The following C12orf42 variants were observed in gnomAD, a reference collection of about 807,000 sequenced individuals.
The protein encoded by C12orf42 is uncharacterized protein C12orf42.
A neutral mutation model predicts 21.6 loss-of-function variants in C12orf42; 25 were observed. The observed-to-expected ratio is 1.16, with a 90% CI of 0.84 to 1.62. C12orf42 has a LOEUF of 1.62. Ranked by LOEUF, C12orf42 falls within the 40% of genes most tolerant of loss-of-function variation. C12orf42 has a pLI of 0.00. For synonymous variants in C12orf42, 174 were observed against 175.0 expected, an observed-to-expected ratio of 0.99 and a Z score of 0.05; for missense variants, 483 against 459.3, an observed-to-expected ratio of 1.05 and a Z score of -0.47.
intron 2 of C12orf42, among the ~76,000 whole-genome samples, chr12:103,409,062 T>C (rs980469623): frequency 1.3e-5 from 2 of 152,178 alleles, no homozygotes; most frequent in Admixed American, 1.3e-4. Context: ...TGGTTACCAT[T>C]TCAGAAGACT....
At chr12:103,162,032 C>A in the C12orf42 span, among the ~76,000 whole-genome samples, 94 of 152,290 alleles carry the variant, frequency 6.2e-4, no homozygotes, top group African/African-American at 2.2e-3. Context: ...CCCAGCCCCC[C>A]TTCCCTTTTC....
At chr12:103,275,907 C>T (rs985099072) in intron 5 of C12orf42, among the ~76,000 whole-genome samples, 7 of 151,948 alleles carry the variant, frequency 4.6e-5, no homozygotes, top group Admixed American at 1.3e-4. Context: ...ATTGTCTCTA[C>T]TAACAATAAA....
chr12:103,290,893 G>A (rs187880116), intron 4 of C12orf42, among the ~76,000 whole-genome samples: 1 of 152,006 alleles, frequency 6.6e-6, no homozygotes, highest in African/African-American at 2.4e-5. Context: ...GGGTGGGAGG[G>A]GGGTGAGGGA....
At chr12:103,054,905 G>A in the C12orf42 span, among the ~76,000 whole-genome samples, 2 of 151,794 alleles carry the variant, frequency 1.3e-5, no homozygotes, top group African/African-American at 4.8e-5. Flanking sequence ...AACCAGCCTT[G>A]CATCTCTAGA....
intron 2 of C12orf42, among the ~76,000 whole-genome samples, chr12:103,439,170 T>C (rs909124618): frequency 1.3e-5 from 2 of 151,506 alleles, no homozygotes; most frequent in Non-Finnish European, 3.0e-5. Context: ...GGATTCCCTA[T>C]TTAATAAATG....
chr12:103,229,390 C>T, the C12orf42 span, among the ~76,000 whole-genome samples: 53 of 152,128 alleles, frequency 3.5e-4, no homozygotes, highest in South Asian at 1.2e-3. Flanking sequence ...ATTCTCTCAG[C>T]GATTCAAAAA....
At chr12:103,444,989 ATAAG>A (rs201504137) in intron 2 of C12orf42, among the ~76,000 whole-genome samples, 2,323 of 152,202 alleles carry the variant, frequency 0.015, 22 homozygotes, top group Non-Finnish European at 0.022. Flanking sequence ...GTAGATATCC[ATAAG>A]TAATAAACCA....
intron 2 of C12orf42, among the ~76,000 whole-genome samples, chr12:103,407,419 C>G (rs1004834918): frequency 2.6e-5 from 4 of 152,098 alleles, no homozygotes; most frequent in African/African-American, 9.7e-5. Flanking sequence ...AGGCGAACCC[C>G]TCCTCTTCTT....
rs570128611 is a variant in C12orf42, at chr12:103,365,885, A to G, written c.259+3002T>C. Among the ~76,000 whole-genome samples, 3 of 152,262 alleles carry G rather than the reference A, an allele frequency of 2.0e-5. No individual in the cohort carries two copies. The South Asian group carries it at 6.2e-4, about 32-fold the overall frequency. Reference sequence around the variant, plus strand: ...ACAGATGGGCAGAATCAATGCTGTGAAAATGACCATACCGCCAAAAGCAAT... The same window carrying G: ...ACAGATGGGCAGAATCAATGCTGTGGAAATGACCATACCGCCAAAAGCAAT... On this transcript the variant is annotated intron_variant, in intron 4 of 5. Coordinates refer to ENST00000548883, the MANE Select transcript of C12orf42 (RefSeq NM_198521.5).
In C12orf42 at chr12:103,281,913, G is replaced by GA. The variant is rs1555243151; in HGVS notation, n.338-4704dup. Among the ~76,000 whole-genome samples the GA allele has an allele frequency of 9.0e-5, 8 of 89,336 alleles. No individual in the cohort carries two copies. In the South Asian group the frequency reaches 1.9e-3, roughly 22 times the overall value. The allele number at this position is 89,336 out of a possible 152,430, so 58.6% of individuals were successfully genotyped here. On this transcript the variant is annotated intron_variant and non_coding_transcript_variant, in intron 4 of 6. Coordinates refer to the C12orf42 transcript ENST00000546526. ...AAAAAGAAAGAAAGAAAAGAAGAAA[G>GA]AAAAAGAAAGAAAGAAAGAAAGAAA...
At chr12:103,199,521 G>GC in the C12orf42 span, among the ~76,000 whole-genome samples, 5 of 152,088 alleles carry the variant, frequency 3.3e-5, no homozygotes, top group African/African-American at 9.7e-5. Context: ...AAATGAGAAG[G>GC]CGACTGACAG....
At chr12:103,538,071 T>C in the C12orf42 span, among the ~76,000 whole-genome samples, 2 of 152,206 alleles carry the variant, frequency 1.3e-5, no homozygotes, top group Non-Finnish European at 2.9e-5. Flanking sequence ...TAGAAGTATT[T>C]AGTAGATTAA....
At chr12:103,214,737 G>C in the C12orf42 span, among the ~76,000 whole-genome samples, 6 of 152,174 alleles carry the variant, frequency 3.9e-5, no homozygotes, top group Non-Finnish European at 7.4e-5. Context: ...AATCCCAAGA[G>C]ATTTTCTCCA....
the C12orf42 span, among the ~76,000 whole-genome samples, chr12:103,119,349 T>C: frequency 6.6e-6 from 1 of 152,240 alleles, no homozygotes. Context: ...TAGTGTGCAA[T>C]AACCACTCAA....
chr12:103,512,751 C>T, the C12orf42 span, among the ~76,000 whole-genome samples: 1 of 152,186 alleles, frequency 6.6e-6, no homozygotes, highest in Non-Finnish European at 1.5e-5. Flanking sequence ...TGCCTGTAAT[C>T]CCAGCACTTT....
rs1359189161 is a variant in C12orf42 at position 103,254,966 on chromosome 12, CA to C, written c.*1366+8359del. On this transcript the variant is annotated intron_variant and NMD_transcript_variant, in intron 10 of 10. Transcript: ENST00000547347. Reference sequence around the variant, plus strand: ...AATTATAAATGTTTCATGCATCCTTCAAAAAATATGTATTCTGTAAGTGTTT... The same window carrying C: ...AATTATAAATGTTTCATGCATCCTTCAAAAATATGTATTCTGTAAGTGTTT... 4.6e-5 allele frequency among the ~76,000 whole-genome samples: 7 copies of C among 152,196 alleles called. No homozygotes were observed. In the East Asian group the frequency reaches 1.4e-3, roughly 29 times the overall value.
chr12:103,170,238 C>T, the C12orf42 span, among the ~76,000 whole-genome samples: 1 of 152,110 alleles, frequency 6.6e-6, no homozygotes, highest in African/African-American at 2.4e-5. Context: ...TACCCTTATG[C>T]CATGACATTA....
chr12:103,052,589 T>C, the C12orf42 span, among the ~76,000 whole-genome samples: 2 of 152,080 alleles, frequency 1.3e-5, no homozygotes, highest in Non-Finnish European at 2.9e-5. Flanking sequence ...ATCAAATATT[T>C]ATATTGCAAA....
the C12orf42 span, among the ~76,000 whole-genome samples, chr12:103,120,701 T>A: frequency 6.7e-6 from 1 of 150,186 alleles, no homozygotes; most frequent in Non-Finnish European, 1.5e-5. Context: ...ACTATGATTA[T>A]TATTACTATA....
Sources: allele counts gnomAD v4.1 joint callset (sites outside exome capture counted in the v4.1 genomes callset), GRCh38; gene constraint gnomAD v4.1.1; transcripts MANE v1.5; gene names NCBI Gene and HGNC (gene_info 2026-07-23, HGNC 2026-07-21).